ABHD6: variants seen among roughly 807,000 people sequenced by gnomAD.
The protein encoded by ABHD6 is abhydrolase domain containing 6, acylglycerol lipase, also known as monoacylglycerol lipase ABHD6.
In ABHD6, 33 loss-of-function variants were observed where a neutral mutation model predicts 38.8. The ratio of observed to expected loss-of-function variants is 0.85; its 90% confidence interval spans 0.64 to 1.14. ABHD6 has a LOEUF of 1.14. ABHD6 is among the 50% of genes most tolerant of loss of function. The pLI, the probability that ABHD6 is intolerant of heterozygous loss-of-function variation, is 0.00. For missense variants in ABHD6, 380 were observed against 422.6 expected (o/e 0.90, Z 0.88); for synonymous variants, 147 against 161.6 (o/e 0.91, Z 0.69).
Position 58,256,448 on chromosome 3 carries a change from C to G in ABHD6, c.-25-114C>G, listed in dbSNP as rs1236299640. The G allele has an allele frequency of 5.2e-5, 32 of 615,048 alleles. No homozygotes were observed. Among genetic ancestry groups the G allele is most frequent in the Non-Finnish European group, 8.2e-5 (29 of 354,778 alleles). The allele number at this position is 615,048 out of a possible 1,614,324, so 38.1% of individuals were successfully genotyped here. ...TAAAGCACTTGCCTGCTTTGGTTTC[C>G]TCCTGTTCTTTACCCTCACTCTGGG... On this transcript the variant is annotated intron_variant, in intron 2 of 9. Transcript: ENST00000478253. This position sits in a 1 kb window ranked among gnomAD's most constrained non-coding sequence, Gnocchi z 4.3.
chr3:58,278,938 T>A (rs1171532915), intron 7 of ABHD6, among the ~76,000 whole-genome samples: 1 of 152,246 alleles, frequency 6.6e-6, no homozygotes, highest in Non-Finnish European at 1.5e-5. Flanking sequence ...TCCTGAGCTC[T>A]AATTTGATCG....
At position 58,274,686 on chromosome 3, in the gene ABHD6, T is replaced by G. The variant is rs1276337114; in HGVS notation, c.552T>G (p.Phe184Leu). The change falls in exon 7 of 10, where the codon TTT (phenylalanine) becomes TTG (leucine). Residue 184 changes from phenylalanine to leucine, a missense_variant. Coordinates refer to ENST00000478253, the MANE Select transcript of ABHD6 (RefSeq NM_001320126.2). ...AGLQYSTDNQ[F>L]VQRLKELQGS... Reference sequence around the variant, plus strand: ...TGCAGTACTCAACTGACAATCAATTTGTACAACGGCTCAAAGAACTGCAGG... The same window carrying G: ...TGCAGTACTCAACTGACAATCAATTGGTACAACGGCTCAAAGAACTGCAGG... The G allele has an allele frequency of 6.8e-6, 11 of 1,614,242 alleles. No individual in the cohort carries two copies. The highest frequency in any genetic ancestry group is 9.3e-6 in the Non-Finnish European group (11 of 1,180,040).
chr3:58,260,910 C>T (rs1042921363), intron 3 of ABHD6, among the ~76,000 whole-genome samples: 5 of 152,208 alleles, frequency 3.3e-5, no homozygotes, highest in African/African-American at 1.2e-4. Flanking sequence ...GTCTTCAGAG[C>T]AGCTCTCTCT....
intron 9 of ABHD6, among the ~76,000 whole-genome samples, chr3:58,286,252 G>A (rs545593799): frequency 3.3e-5 from 5 of 151,684 alleles, no homozygotes; most frequent in East Asian, 1.9e-4. Flanking sequence ...ATCTCCTGAC[G>A]TCATGATCTG....
In ABHD6 at chr3:58,285,395, A is replaced by G. The variant is rs780970092; in HGVS notation, c.779A>G (p.His260Arg). 5.6e-6 allele frequency: 9 copies of G among 1,614,152 alleles called. No homozygotes were observed. Among genetic ancestry groups the G allele is most frequent in the Non-Finnish European group, 7.6e-6 (9 of 1,179,996 alleles). The change falls in exon 9 of 10, where the codon CAT (histidine) becomes CGT (arginine). Residue 260 changes from histidine (H) to arginine (R), a missense_variant. By Grantham distance (29) the His-to-Arg change is conservative (BLOSUM62 0). Transcript: ENST00000478253. This position sits in a 1 kb window ranked among gnomAD's most constrained non-coding sequence, Gnocchi z 4.9. Reference protein sequence around the residue: ...IVSEKSRYSLHQNMDKIKVPT... With the variant: ...IVSEKSRYSLRQNMDKIKVPT... ...AGTGAGAAGTCCAGATACTCTCTCC[A>G]TCAGAACATGGACAAGATCAAGGTT...
chr3:58,265,093 C>A lies in ABHD6; in HGVS notation c.120-2096C>A, dbSNP rs2097440026. On this transcript the variant is annotated intron_variant, in intron 3 of 9. Transcript: ENST00000478253. The surrounding 1 kb of genome is among the most constrained non-coding windows in gnomAD (Gnocchi z 4.2). ...GGTAACCATCCTTCTACTATCTATG[C>A]CCATGAGTTGCATTGTTTTGATTTT... 1.3e-5 allele frequency among the ~76,000 whole-genome samples: 2 copies of A among 152,100 alleles called. 1 individual carries two copies. Among genetic ancestry groups the A allele is most frequent in the South Asian group, 4.2e-4 (2 of 4,818 alleles).
intron 1 of ABHD6, among the ~76,000 whole-genome samples, chr3:58,244,845 C>T (rs952997894): frequency 2.0e-4 from 31 of 151,900 alleles, no homozygotes; most frequent in African/African-American, 7.0e-4. Flanking sequence ...TAGATAGATT[C>T]GATTTTTGTT....
At chr3:58,270,312 T>C (rs2097443905) in intron 5 of ABHD6, among the ~76,000 whole-genome samples, 1 of 152,188 alleles carries the variant, frequency 6.6e-6, no homozygotes, top group African/African-American at 2.4e-5. Context: ...TTTTGTAAAC[T>C]AAATTTTACT....
At chr3:58,286,090 G>A (rs1390775490) in intron 9 of ABHD6, among the ~76,000 whole-genome samples, 1 of 151,926 alleles carries the variant, frequency 6.6e-6, no homozygotes, top group Non-Finnish European at 1.5e-5. Flanking sequence ...CACAATCTCG[G>A]CTCACTGCAA....
Position 58,251,320 on chromosome 3 carries a change from AAAAAAAAGAAAG to A in ABHD6, c.-26+1388_-26+1399del, listed in dbSNP as rs2097429759. 6.6e-6 allele frequency among the ~76,000 whole-genome samples: 1 copy of A among 151,862 alleles called. No individual in the cohort carries two copies. The highest frequency in any genetic ancestry group is 1.5e-5 in the Non-Finnish European group (1 of 67,972). On this transcript the variant is annotated intron_variant, in intron 2 of 9. Coordinates refer to ENST00000478253, the MANE Select transcript of ABHD6 (RefSeq NM_001320126.2). This position sits in a 1 kb window ranked among gnomAD's most constrained non-coding sequence, Gnocchi z 5.4. ...TGACAGAGCGAGACTCCATCTAAAAAAAAAAAAGAAAGAAAAAAAGACAGAAATCAGTAAGTC... is the reference window on the plus strand; with the variant it reads ...TGACAGAGCGAGACTCCATCTAAAAAAAAAAAAGACAGAAATCAGTAAGTC...
intron 1 of ABHD6, among the ~76,000 whole-genome samples, chr3:58,239,430 T>A (rs2097421324): frequency 6.6e-6 from 1 of 152,130 alleles, no homozygotes; most frequent in African/African-American, 2.4e-5. Context: ...TGGAAAAAAA[T>A]AATTAATAAA....
At position 58,256,506 on chromosome 3, in the gene ABHD6, G is replaced by T; in HGVS notation, c.-25-56G>T. 9.5e-7 allele frequency: 1 copy of T among 1,047,800 alleles called. No individual in the cohort carries two copies. Among genetic ancestry groups the T allele is most frequent in the Non-Finnish European group, 1.4e-6 (1 of 703,254 alleles). The allele number at this position is 1,047,800 out of a possible 1,614,324, so 64.9% of individuals were successfully genotyped here. On this transcript the variant is annotated intron_variant, in intron 2 of 9. Transcript: ENST00000478253. The surrounding 1 kb of genome is among the most constrained non-coding windows in gnomAD (Gnocchi z 4.3). ...CTTTTCTTGTCCCCTTTACTTCTTC[G>T]CCTTTTTTCCTTTGATACAGAGTTT...
intron 7 of ABHD6, among the ~76,000 whole-genome samples, chr3:58,278,614 G>C (rs2097450581): frequency 6.6e-6 from 1 of 152,130 alleles, no homozygotes; most frequent in African/African-American, 2.4e-5. Flanking sequence ...GTTCTGTTCT[G>C]ATCTTAGTTA....
At chr3:58,286,294 C>T (rs1418441230) in intron 9 of ABHD6, among the ~76,000 whole-genome samples, 1 of 152,064 alleles carries the variant, frequency 6.6e-6, no homozygotes, top group Non-Finnish European at 1.5e-5. Flanking sequence ...GTTGGGATTA[C>T]AGGCGTGAGC....
At chr3:58,272,256 C>G (rs1357987135) in intron 6 of ABHD6, among the ~76,000 whole-genome samples, 4 of 152,150 alleles carry the variant, frequency 2.6e-5, no homozygotes, top group African/African-American at 9.7e-5. Context: ...CGTTGAGGCA[C>G]AGAGAAATTA....
chr3:58,250,365 G>T (rs1332106354), intron 2 of ABHD6, among the ~76,000 whole-genome samples: 1 of 152,172 alleles, frequency 6.6e-6, no homozygotes, highest in Non-Finnish European at 1.5e-5. Context: ...TCGCGAGCTG[G>T]TTATTTGGAG....
intron 4 of ABHD6, among the ~76,000 whole-genome samples, chr3:58,268,509 C>T (rs77744104): frequency 1.7e-3 from 266 of 152,254 alleles, no homozygotes; most frequent in African/African-American, 6.0e-3. Context: ...AAGGTTGGGG[C>T]TGGCAGAAGT....
chr3:58,284,991 C>A (rs2097455905), intron 7 of ABHD6, 94 bp from the exon 8 acceptor site: 1 of 1,175,704 alleles, frequency 8.5e-7, no homozygotes, highest in Non-Finnish European at 1.3e-6. Flanking sequence ...CAATAAATTG[C>A]TGGACCTCAT....
At chr3:58,276,093 T>C (rs951061210) in intron 7 of ABHD6, among the ~76,000 whole-genome samples, 1 of 152,224 alleles carries the variant, frequency 6.6e-6, no homozygotes, top group Non-Finnish European at 1.5e-5. Flanking sequence ...CATGTGTCTT[T>C]ATAGTAGCAT....
Sources: gnomAD v4.1 joint callset for allele counts (sites outside exome capture counted in the v4.1 genomes callset) on GRCh38, gnomAD v4.1.1 for gene constraint, Gnocchi (gnomAD v3.1) non-coding constraint, MANE v1.5 for transcripts, NCBI Gene and HGNC (gene_info 2026-07-23, HGNC 2026-07-21) for gene names.